AFG1L: variants seen among roughly 807,000 people sequenced by gnomAD.
The protein encoded by AFG1L is AFG1-like ATPase.
Under a neutral mutation model 62.2 loss-of-function variants are expected in AFG1L, and 53 were observed. The observed-to-expected ratio is 0.85, with a 90% confidence interval of 0.68 to 1.07. The LOEUF (loss-of-function observed/expected upper bound fraction) is 1.07. AFG1L is among the 50% of genes least tolerant of loss of function. AFG1L has a pLI of 0.00. For synonymous variants in AFG1L, 228 were observed against 210.3 expected, an observed-to-expected ratio of 1.08 and a Z score of -0.73; for missense variants, 555 against 590.5, an observed-to-expected ratio of 0.94 and a Z score of 0.62.
chr6:108,499,535 T>C (rs1399895996), intron 10 of AFG1L, among the ~76,000 whole-genome samples: 2 of 150,302 alleles, frequency 1.3e-5, no homozygotes, highest in African/African-American at 2.5e-5. Context: ...GCCCAGCATT[T>C]TGAGACCAGC....
In AFG1L at chr6:108,323,895, C is replaced by G; in HGVS notation, c.210C>G (p.Ala70=). Residue 70 remains alanine, a synonymous_variant, in exon 2 of 13, where the codon GCC becomes GCG. Transcript: ENST00000368977. ...ATSETYLKAL[A]VCHGPLDHYD... ...CAGAGACTTATTTGAAAGCTTTGGC[C>G]GTTTGCCATGGACCTCTGGACCACT... is the stretch of plus-strand genomic sequence containing the variant. 6.2e-7 allele frequency: 1 copy of G among 1,614,092 alleles called. No individual in the cohort carries two copies. The highest frequency in any genetic ancestry group is 2.2e-5 in the East Asian group (1 of 44,874).
chr6:108,395,808 G>C (rs1050664471), intron 6 of AFG1L, among the ~76,000 whole-genome samples: 1 of 151,458 alleles, frequency 6.6e-6, no homozygotes. Flanking sequence ...GAGGGAAGGA[G>C]AGAGAGAGGG....
intron 1 of AFG1L, among the ~76,000 whole-genome samples, chr6:108,321,959 T>G (rs480817): frequency 0.079 from 12,021 of 152,130 alleles, 586 homozygotes; most frequent in Admixed American, 0.16. Flanking sequence ...CATAGCTCAC[T>G]GCAGCCTCAA....
At chr6:108,447,721 A>T (rs1771876591) in intron 8 of AFG1L, among the ~76,000 whole-genome samples, 1 of 152,226 alleles carries the variant, frequency 6.6e-6, no homozygotes, top group African/African-American at 2.4e-5. Flanking sequence ...TCCATATATA[A>T]CTGATCTACA....
chr6:108,470,873 A>T (rs1282413456), intron 8 of AFG1L, among the ~76,000 whole-genome samples: 1 of 152,144 alleles, frequency 6.6e-6, no homozygotes, highest in East Asian at 1.9e-4. Context: ...ACAGGAGGAG[A>T]TCGACAGGAA....
chr6:108,310,575 C>CTT (rs79088170), intron 1 of AFG1L, among the ~76,000 whole-genome samples: 12,882 of 132,482 alleles, frequency 0.097, 2,088 homozygotes, highest in African/African-American at 0.32. Flanking sequence ...TTTTCACCTT[C>CTT]TTTTTTTTTT....
intron 12 of AFG1L, chr6:108,522,022 T>G (rs1218637751): frequency 1.1e-4 from 23 of 207,076 alleles, no homozygotes; most frequent in East Asian, 4.8e-4. Flanking sequence ...GAACTACTGG[T>G]TTTTTTTTTG....
At chr6:108,399,575 TG>T (rs912613914) in intron 6 of AFG1L, among the ~76,000 whole-genome samples, 4 of 151,960 alleles carry the variant, frequency 2.6e-5, no homozygotes, top group African/African-American at 9.7e-5. Context: ...TTTTTCATAT[TG>T]TTTACTGCTG....
At chr6:108,363,971 GA>G (rs1173367446) in intron 5 of AFG1L, among the ~76,000 whole-genome samples, 2 of 152,082 alleles carry the variant, frequency 1.3e-5, no homozygotes, top group African/African-American at 4.8e-5. Context: ...TTAACCATTA[GA>G]TTTTTTTTCT....
chr6:108,364,553 C>T (rs1220143255), intron 5 of AFG1L, among the ~76,000 whole-genome samples: 2 of 152,078 alleles, frequency 1.3e-5, no homozygotes, highest in Non-Finnish European at 2.9e-5. Context: ...TCTCTAAAAT[C>T]GGGTAAACTT....
intron 2 of AFG1L, among the ~76,000 whole-genome samples, chr6:108,332,670 C>CA (rs1280061338): frequency 6.6e-6 from 1 of 152,064 alleles, no homozygotes; most frequent in African/African-American, 2.4e-5. Flanking sequence ...GGCTGGAGTG[C>CA]AGTCATGGCT....
intron 2 of AFG1L, among the ~76,000 whole-genome samples, chr6:108,326,582 C>T (rs1778051652): frequency 6.6e-6 from 1 of 152,028 alleles, no homozygotes; most frequent in African/African-American, 2.4e-5. Flanking sequence ...ATTGACTTTC[C>T]CCACCCCCTG....
At chr6:108,454,226 G>T (rs770162945) in intron 8 of AFG1L, among the ~76,000 whole-genome samples, 4 of 152,130 alleles carry the variant, frequency 2.6e-5, no homozygotes, top group Non-Finnish European at 5.9e-5. Flanking sequence ...TGTCACAATG[G>T]AATAGTGATG....
At chr6:108,459,994 A>G (rs186724468) in intron 8 of AFG1L, among the ~76,000 whole-genome samples, 28 of 152,178 alleles carry the variant, frequency 1.8e-4, no homozygotes, top group Non-Finnish European at 2.9e-5. Flanking sequence ...GTAGAAACAT[A>G]TCAACAAATT....
chr6:108,390,498 T>TTATC (rs1781003668), intron 6 of AFG1L, among the ~76,000 whole-genome samples: 2 of 152,216 alleles, frequency 1.3e-5, no homozygotes, highest in Admixed American at 1.3e-4. Flanking sequence ...CTTTGTGGTT[T>TTATC]TATCTACCTT....
chr6:108,305,181 C>A (rs1321601709), intron 1 of AFG1L, among the ~76,000 whole-genome samples: 1 of 152,152 alleles, frequency 6.6e-6, no homozygotes, highest in Non-Finnish European at 1.5e-5. Flanking sequence ...TTTCTAGAGC[C>A]ATTTTAATTC....
chr6:108,343,247 A>G (rs1778746396), intron 2 of AFG1L, among the ~76,000 whole-genome samples: 1 of 151,898 alleles, frequency 6.6e-6, no homozygotes, highest in Non-Finnish European at 1.5e-5. Flanking sequence ...ACGGGGTTTC[A>G]CCATGTTGGC....
chr6:108,343,529 A>G (rs79943042), intron 2 of AFG1L, among the ~76,000 whole-genome samples: 122 of 152,346 alleles, frequency 8.0e-4, no homozygotes, highest in African/African-American at 2.9e-3. Context: ...ATGAATTGCT[A>G]TGACACTCTC....
At chr6:108,323,054 C>T (rs537057100) in intron 1 of AFG1L, among the ~76,000 whole-genome samples, 8 of 152,226 alleles carry the variant, frequency 5.3e-5, no homozygotes, top group African/African-American at 1.7e-4. Flanking sequence ...GGGCTGAAAT[C>T]GATGTGGTAA....
Sources: gnomAD v4.1 joint callset for allele counts (sites outside exome capture counted in the v4.1 genomes callset) on GRCh38, gnomAD v4.1.1 for gene constraint, MANE v1.5 for transcripts, NCBI Gene and HGNC (gene_info 2026-07-23, HGNC 2026-07-21) for gene names.